Variants in KIAA1549L observed in about 807,000 individuals in gnomAD.
The protein encoded by KIAA1549L is UPF0606 protein KIAA1549L.
KIAA1549L carries 88 observed loss-of-function variants against 160.7 expected under a neutral mutation model. The ratio of observed to expected loss-of-function variants is 0.55; its 90% CI spans 0.46 to 0.65. KIAA1549L has a LOEUF of 0.65. KIAA1549L is among the 30% of genes least tolerant of loss of function. The pLI, the probability that KIAA1549L is intolerant of heterozygous loss-of-function variation, is 0.00. For missense variants in KIAA1549L, 2,258 were observed against 2,437.5 expected (o/e 0.93, Z 1.55); for synonymous variants, 950 against 976.7 (o/e 0.97, Z 0.51).
At chr11:33,379,733 C>G (rs1308189009) in intron 1 of KIAA1549L, among the ~76,000 whole-genome samples, 1 of 152,206 alleles carries the variant, frequency 6.6e-6, no homozygotes, top group Non-Finnish European at 1.5e-5. Flanking sequence ...GTTCCAATCT[C>G]ATTGGGTTCT....
At chr11:33,527,298 A>G (rs759426547) in intron 1 of KIAA1549L, among the ~76,000 whole-genome samples, 4 of 152,230 alleles carry the variant, frequency 2.6e-5, no homozygotes, top group Non-Finnish European at 5.9e-5. Flanking sequence ...AAATACGTAT[A>G]GCCAACTGAT....
At chr11:33,537,038 C>T (rs1748289621) in intron 1 of KIAA1549L, among the ~76,000 whole-genome samples, 1 of 152,198 alleles carries the variant, frequency 6.6e-6, no homozygotes, top group Non-Finnish European at 1.5e-5. Flanking sequence ...CTGTCGCCTC[C>T]CTCTGCAGCC....
intron 5 of KIAA1549L, 72 bp downstream of exon 5, chr11:33,551,331 T>C (rs561237568): frequency 7.0e-6 from 9 of 1,283,364 alleles, no homozygotes; most frequent in South Asian, 6.2e-5. Flanking sequence ...GACACCTGTT[T>C]AAAAGCTCCA....
intron 1 of KIAA1549L, among the ~76,000 whole-genome samples, chr11:33,449,012 C>A (rs1369595888): frequency 6.6e-6 from 1 of 152,134 alleles, no homozygotes; most frequent in African/African-American, 2.4e-5. Flanking sequence ...TCTGGGTTTA[C>A]AGGGGCAATG....
chr11:33,488,083 T>C (rs553673756), intron 1 of KIAA1549L, among the ~76,000 whole-genome samples: 5 of 152,300 alleles, frequency 3.3e-5, no homozygotes, highest in Non-Finnish European at 5.9e-5. Context: ...AGCTTTCTCA[T>C]TGGTAAAACA....
intron 1 of KIAA1549L, among the ~76,000 whole-genome samples, chr11:33,483,604 A>T (rs546060336): frequency 2.6e-5 from 4 of 152,192 alleles, no homozygotes; most frequent in Admixed American, 2.6e-4. Context: ...CCCAAATCTC[A>T]TCTTGAATTG....
chr11:33,650,824 A>C (rs371750340), intron 17 of KIAA1549L, among the ~76,000 whole-genome samples: 55 of 152,150 alleles, frequency 3.6e-4, no homozygotes, highest in Non-Finnish European at 2.1e-4. Context: ...GTCTACTTCC[A>C]TACCACCATA....
intron 2 of KIAA1549L, 28 bp from the exon 3 acceptor site, chr11:33,544,739 A>G (rs1449294953): frequency 6.4e-7 from 1 of 1,554,472 alleles, no homozygotes; most frequent in Non-Finnish European, 8.7e-7. Flanking sequence ...CAAGCCAATG[A>G]CAAACTTTGT....
chr11:33,400,343 G>A (rs1394845953), intron 1 of KIAA1549L, among the ~76,000 whole-genome samples: 1 of 152,146 alleles, frequency 6.6e-6, no homozygotes, highest in South Asian at 2.1e-4. Context: ...CAAAATAAGT[G>A]GTACAGAAAC....
intron 1 of KIAA1549L, among the ~76,000 whole-genome samples, chr11:33,436,260 A>G (rs1049198283): frequency 2.0e-5 from 3 of 152,178 alleles, no homozygotes; most frequent in African/African-American, 7.2e-5. Flanking sequence ...CATAGCATAT[A>G]ATAAGGAACT....
chr11:33,563,762 C>T (rs1017069853), intron 8 of KIAA1549L, among the ~76,000 whole-genome samples: 2 of 152,182 alleles, frequency 1.3e-5, no homozygotes, highest in African/African-American at 4.8e-5. Flanking sequence ...GCTTATGTAA[C>T]ATTTACAAAA....
intron 16 of KIAA1549L, among the ~76,000 whole-genome samples, chr11:33,630,512 C>T (rs1394188991): frequency 2.6e-5 from 4 of 152,164 alleles, no homozygotes; most frequent in Admixed American, 6.5e-5. Flanking sequence ...GTCGGAAAAG[C>T]GCAGTATTCG....
chr11:33,382,793 A>T (rs1174615104), intron 1 of KIAA1549L, among the ~76,000 whole-genome samples: 1 of 152,076 alleles, frequency 6.6e-6, no homozygotes, highest in Non-Finnish European at 1.5e-5. Context: ...AGCACAGGGC[A>T]CTGTAGGGAG....
intron 13 of KIAA1549L, among the ~76,000 whole-genome samples, chr11:33,603,817 G>A (rs1049637278): frequency 1.3e-5 from 2 of 150,708 alleles, no homozygotes; most frequent in Non-Finnish European, 3.0e-5. Context: ...AAAAAAAAAA[G>A]AAAGAAAAAA....
chr11:33,412,148 A>T (rs139211651), intron 1 of KIAA1549L, among the ~76,000 whole-genome samples: 76 of 152,340 alleles, frequency 5.0e-4, no homozygotes, highest in African/African-American at 1.7e-3. Flanking sequence ...AATTTCCATT[A>T]GAGTTAAAGG....
intron 1 of KIAA1549L, among the ~76,000 whole-genome samples, chr11:33,527,669 T>G (rs1362405319): frequency 6.6e-6 from 1 of 152,004 alleles, no homozygotes. Context: ...GAGAAAATAT[T>G]CACAAACTTT....
intron 1 of KIAA1549L, among the ~76,000 whole-genome samples, chr11:33,409,862 T>G (rs1328711305): frequency 6.6e-6 from 1 of 150,976 alleles, no homozygotes; most frequent in Non-Finnish European, 1.5e-5. Flanking sequence ...GAAGGAAAAC[T>G]CAATACAATA....
At chr11:33,551,313 A>G in intron 5 of KIAA1549L, 54 bp downstream of exon 5, 1 of 1,441,850 alleles carries the variant, frequency 6.9e-7, no homozygotes, top group Non-Finnish European at 9.6e-7. Context: ...CAGGGCCAGT[A>G]CCAAGTGGAC....
chr11:33,497,362 C>A (rs1852844749), intron 1 of KIAA1549L, among the ~76,000 whole-genome samples: 1 of 152,182 alleles, frequency 6.6e-6, no homozygotes, highest in Non-Finnish European at 1.5e-5. Context: ...ATGTGACCTT[C>A]TTAATAAGCA....
Sources: gnomAD v4.1 joint callset for allele counts (sites outside exome capture counted in the v4.1 genomes callset) on GRCh38, gnomAD v4.1.1 for gene constraint, MANE v1.5 for transcripts, NCBI Gene and HGNC (gene_info 2026-07-23, HGNC 2026-07-21) for gene names.